CHL1: variants seen among roughly 807,000 people sequenced by gnomAD.
CHL1 encodes neural cell adhesion molecule L1-like protein.
Under a neutral mutation model 141.9 loss-of-function variants are expected in CHL1, and 96 were observed. The ratio of observed to expected loss-of-function variants is 0.68; its 90% CI spans 0.57 to 0.80. The LOEUF (loss-of-function observed/expected upper bound fraction) is 0.80. Ranked by LOEUF, CHL1 falls within the 30% of genes least tolerant of loss-of-function variation. CHL1 has a pLI of 0.00. For synonymous variants in CHL1, 613 were observed against 502.2 expected (o/e 1.22, Z -2.95); for missense variants, 1,820 against 1,457.2 (o/e 1.25, Z -4.05).
intron 2 of CHL1, among the ~76,000 whole-genome samples, chr3:263,137 A>T (rs1694871969): frequency 6.6e-6 from 1 of 152,208 alleles, no homozygotes; most frequent in South Asian, 2.1e-4. Flanking sequence ...ACTGAAATCC[A>T]GATGTGCCAG....
At position 328,197 on chromosome 3, in the gene CHL1, T is replaced by G. The variant is rs1367401560; in HGVS notation, c.228T>G (p.Phe76Leu). The change falls in exon 5 of 28, where the codon TTT (phenylalanine) becomes TTG (leucine). Residue 76 changes from phenylalanine (F) to leucine (L), a missense_variant. Coordinates refer to ENST00000256509, the MANE Select transcript of CHL1 (RefSeq NM_006614.4). ...TFSWTKDGNP[F>L]YFTDHRIIPS... ...CGTGGACTAAGGATGGCAACCCTTT[T>G]TATTTCACTGACCATCGGATAATTC... 6.2e-7 allele frequency: 1 copy of G among 1,607,380 alleles called. No homozygotes were observed. Among genetic ancestry groups the G allele is most frequent in the Middle Eastern group, 1.7e-4 (1 of 6,026 alleles).
intron 2 of CHL1, among the ~76,000 whole-genome samples, chr3:288,322 GACAA>G (rs1290438643): frequency 1.4e-5 from 2 of 147,868 alleles, no homozygotes; most frequent in African/African-American, 5.0e-5. Context: ...AATTTTAGGT[GACAA>G]ACACATGTCG....
At chr3:398,955 T>C (rs1244215125) in intron 25 of CHL1, 62 bp from the exon 26 acceptor site, 7 of 1,501,708 alleles carry the variant, frequency 4.7e-6, no homozygotes, top group South Asian at 1.2e-5. Flanking sequence ...TTTTCCCCAA[T>C]GTTACAGAAT....
chr3:220,735 C>A (rs943195917), intron 1 of CHL1, among the ~76,000 whole-genome samples: 2 of 152,258 alleles, frequency 1.3e-5, no homozygotes, highest in African/African-American at 4.8e-5. Flanking sequence ...TATTAGACTA[C>A]AACAATGAAA....
At chr3:312,561 G>A (rs894478209) in intron 2 of CHL1, among the ~76,000 whole-genome samples, 4 of 152,178 alleles carry the variant, frequency 2.6e-5, no homozygotes, top group Non-Finnish European at 4.4e-5. Context: ...TCACACTTCA[G>A]GCTTATGGAA....
At chr3:316,042 A>C (rs1575046725) in intron 2 of CHL1, among the ~76,000 whole-genome samples, 1 of 151,948 alleles carries the variant, frequency 6.6e-6, no homozygotes, top group Non-Finnish European at 1.5e-5. Flanking sequence ...TGACGTTTAC[A>C]TAGTGTGCAG....
intron 1 of CHL1, among the ~76,000 whole-genome samples, chr3:212,705 C>T (rs542822646): frequency 1.3e-5 from 2 of 152,196 alleles, no homozygotes; most frequent in South Asian, 2.1e-4. Context: ...TTATTCCCCT[C>T]TCCGTCCCTG....
At chr3:330,600 T>C (rs978679328) in intron 5 of CHL1, among the ~76,000 whole-genome samples, 8 of 152,134 alleles carry the variant, frequency 5.3e-5, no homozygotes, top group South Asian at 2.1e-4. Context: ...ATAAGTAAAC[T>C]ATTTCTATTT....
At chr3:280,038 G>T (rs764981827) in intron 2 of CHL1, among the ~76,000 whole-genome samples, 13 of 152,018 alleles carry the variant, frequency 8.6e-5, no homozygotes, top group Non-Finnish European at 1.8e-4. Flanking sequence ...CTAAAATCAG[G>T]TTTCTATTAT....
At chr3:270,208 T>C (rs1659718700) in intron 2 of CHL1, among the ~76,000 whole-genome samples, 1 of 150,708 alleles carries the variant, frequency 6.6e-6, no homozygotes, top group African/African-American at 2.4e-5. Flanking sequence ...ATCAAATGCA[T>C]AAAGGCATGG....
At chr3:250,963 G>T (rs372583692) in intron 2 of CHL1, among the ~76,000 whole-genome samples, 2 of 151,944 alleles carry the variant, frequency 1.3e-5, no homozygotes, top group Non-Finnish European at 1.5e-5. Context: ...AGATACAGTC[G>T]CAAAGAGAGA....
chr3:229,503 G>T (rs182449706), intron 1 of CHL1, among the ~76,000 whole-genome samples: 1 of 152,292 alleles, frequency 6.6e-6, no homozygotes, highest in East Asian at 1.9e-4. Context: ...AAAAGAATGC[G>T]AATGTTCAAA....
At chr3:319,265 C>A (rs1335895389) in intron 2 of CHL1, among the ~76,000 whole-genome samples, 1 of 150,884 alleles carries the variant, frequency 6.6e-6, no homozygotes, top group African/African-American at 2.4e-5. Flanking sequence ...AACTACCTAT[C>A]GGGTGCTATG....
intron 23 of CHL1, 55 bp downstream of exon 23, chr3:391,852 A>G (rs1429291731): frequency 1.0e-5 from 14 of 1,399,154 alleles, no homozygotes; most frequent in African/African-American, 2.9e-5. Flanking sequence ...TTTTGGTTGA[A>G]TATTCTCTGT....
intron 1 of CHL1, among the ~76,000 whole-genome samples, chr3:227,641 A>G (rs1026536725): frequency 6.6e-6 from 1 of 152,236 alleles, no homozygotes; most frequent in Non-Finnish European, 1.5e-5. Context: ...CTGACATATC[A>G]GAGATGAAAT....
At chr3:293,392 A>G (rs1249067852) in intron 2 of CHL1, among the ~76,000 whole-genome samples, 1 of 151,914 alleles carries the variant, frequency 6.6e-6, no homozygotes, top group Non-Finnish European at 1.5e-5. Flanking sequence ...AGTCCCAGCT[A>G]CTCTGGAGGC....
At chr3:345,516 C>G (rs1559287949) in intron 9 of CHL1, among the ~76,000 whole-genome samples, 1 of 151,762 alleles carries the variant, frequency 6.6e-6, no homozygotes, top group African/African-American at 2.4e-5. Context: ...CAGGGTCTCA[C>G]TCTGTCACCC....
intron 15 of CHL1, among the ~76,000 whole-genome samples, 194 bp downstream of exon 15, chr3:366,309 A>T (rs188369954): frequency 6.6e-6 from 1 of 152,064 alleles, no homozygotes; most frequent in African/African-American, 2.4e-5. Context: ...CGTCTCCACT[A>T]AAAATACAAA....
At chr3:397,886 A>G (rs1354081954) in intron 24 of CHL1, among the ~76,000 whole-genome samples, 1 of 152,164 alleles carries the variant, frequency 6.6e-6, no homozygotes, top group Non-Finnish European at 1.5e-5. Context: ...TCAAAAGGCC[A>G]TATTCAGTTT....
Sources: allele counts gnomAD v4.1 joint callset (sites outside exome capture counted in the v4.1 genomes callset), GRCh38; gene constraint gnomAD v4.1.1; transcripts MANE v1.5; gene names NCBI Gene and HGNC (gene_info 2026-07-23, HGNC 2026-07-21).